Variants in TRPC1 observed in about 807,000 individuals in gnomAD.
The protein encoded by TRPC1 is transient receptor potential cation channel subfamily C member 1, also known as short transient receptor potential channel 1.
A neutral mutation model predicts 88.2 loss-of-function variants in TRPC1; 42 were observed. That is an observed-to-expected ratio of 0.48 (90% CI 0.37 to 0.62). TRPC1 has a LOEUF of 0.62. TRPC1 is among the 20% of genes least tolerant of loss of function. The pLI is 0.00. For synonymous variants in TRPC1, 288 were observed against 331.8 expected, an observed-to-expected ratio of 0.87 and a Z score of 1.43; for missense variants, 699 against 957.3, an observed-to-expected ratio of 0.73 and a Z score of 3.56.
intron 9 of TRPC1, among the ~76,000 whole-genome samples, chr3:142,794,328 A>G (rs1267807456): frequency 6.6e-6 from 1 of 152,126 alleles, no homozygotes; most frequent in Non-Finnish European, 1.5e-5. Flanking sequence ...GACTCCTATA[A>G]AGGGTTAAAA....
chr3:142,768,713 A>G (rs1016721873), intron 4 of TRPC1, among the ~76,000 whole-genome samples: 2 of 151,342 alleles, frequency 1.3e-5, no homozygotes, highest in African/African-American at 2.4e-5. Flanking sequence ...ATACCTTTCT[A>G]TTTCCTCTGT....
In TRPC1 at chr3:142,736,382, A is replaced by G; in HGVS notation, c.176A>G (p.Asp59Gly). 2 of 1,585,108 alleles carry G rather than the reference A, an allele frequency of 1.3e-6. No homozygotes were observed. Among genetic ancestry groups the G allele is most frequent in the Non-Finnish European group, 1.7e-6 (2 of 1,167,964 alleles). Residue 59 changes from aspartate to glycine, a missense_variant, in exon 2 of 13, where the codon GAC (aspartate) becomes GGC (glycine). Transcript: ENST00000476941. ...KLFLLACDKG[D>G]YYMVKKILEE... ...ATGTTTGTATATTGTTATTTAGGTG[A>G]CTATTATATGGTTAAAAAGATTTTG... is the stretch of plus-strand genomic sequence containing the variant.
At chr3:142,770,258 G>A (rs1312085495) in intron 4 of TRPC1, among the ~76,000 whole-genome samples, 3 of 151,766 alleles carry the variant, frequency 2.0e-5, no homozygotes, top group East Asian at 1.9e-4. Flanking sequence ...CACCACGTCT[G>A]GCTAATTTTT....
chr3:142,777,411 A>G (rs1354733637), intron 4 of TRPC1, among the ~76,000 whole-genome samples: 1 of 152,202 alleles, frequency 6.6e-6, no homozygotes. Context: ...GACAGTAAAA[A>G]AATTTTCTAA....
intron 3 of TRPC1, 113 bp downstream of exon 3, chr3:142,743,699 AT>A (rs1357109782): frequency 1.8e-6 from 1 of 567,318 alleles, no homozygotes; most frequent in Non-Finnish European, 2.8e-6. Flanking sequence ...AAAAATAGAT[AT>A]TTTTTCTCAC....
chr3:142,755,707 T>C (rs1421938418), intron 4 of TRPC1, among the ~76,000 whole-genome samples: 2 of 152,216 alleles, frequency 1.3e-5, no homozygotes, highest in Non-Finnish European at 2.9e-5. Flanking sequence ...CATATTCTTA[T>C]ATTGGTGTGG....
At chr3:142,743,232 C>G (rs926388985) in intron 2 of TRPC1, among the ~76,000 whole-genome samples, 1 of 152,114 alleles carries the variant, frequency 6.6e-6, no homozygotes, top group Non-Finnish European at 1.5e-5. Context: ...CTAATAATCC[C>G]TTCAATGAGA....
intron 9 of TRPC1, among the ~76,000 whole-genome samples, chr3:142,801,838 G>A (rs573199597): frequency 3.9e-5 from 6 of 152,174 alleles, no homozygotes; most frequent in African/African-American, 1.2e-4. Flanking sequence ...TTTGAGCAGG[G>A]TATTTTCCTT....
chr3:142,804,770 C>T (rs1396231525), intron 12 of TRPC1, 140 bp downstream of exon 12: 11 of 652,116 alleles, frequency 1.7e-5, no homozygotes, highest in East Asian at 9.1e-5. Context: ...CCCTAATGTA[C>T]GGCATCGCAT....
At chr3:142,747,379 A>C (rs1039810768) in intron 3 of TRPC1, among the ~76,000 whole-genome samples, 1 of 152,240 alleles carries the variant, frequency 6.6e-6, no homozygotes, top group Non-Finnish European at 1.5e-5. Context: ...CGATAGTTAT[A>C]AAATAGTCAA....
At position 142,787,986 on chromosome 3, in the gene TRPC1, A is replaced by C. The variant is rs142508260; in HGVS notation, c.1297+2946A>C. Among the ~76,000 whole-genome samples the C allele has an allele frequency of 1.3e-3, 199 of 152,324 alleles. 2 individuals are homozygous for C. Among genetic ancestry groups the C allele is most frequent in the African/African-American group, 4.5e-3 (188 of 41,570 alleles). On this transcript the variant is annotated intron_variant, in intron 7 of 12. Transcript: ENST00000476941. ...GAATGGTACAAAGAAGGGTCTGAGTAAAGGCTAACATTTCTGGAGCAGGGA... is the reference window on the plus strand; with the variant it reads ...GAATGGTACAAAGAAGGGTCTGAGTCAAGGCTAACATTTCTGGAGCAGGGA...
intron 6 of TRPC1, 36 bp downstream of exon 6, chr3:142,781,065 C>T: frequency 6.5e-7 from 1 of 1,543,556 alleles, no homozygotes; most frequent in Non-Finnish European, 8.7e-7. Context: ...AAATTATTTT[C>T]TCTACAGTAG....
At chr3:142,790,251 C>T (rs1229478201) in intron 7 of TRPC1, among the ~76,000 whole-genome samples, 2 of 151,810 alleles carry the variant, frequency 1.3e-5, no homozygotes, top group South Asian at 2.1e-4. Flanking sequence ...GAGGCCAGCG[C>T]GACTAGAATA....
rs191071416 is a variant in TRPC1 at position 142,752,921 on chromosome 3, G to T, written c.632+4461G>T. ...GTGAGCTCCAAGTTGAGTCAAAGTG[G>T]CTGGGTCAGAGTGGCTGGGGCAAAG... is the stretch of plus-strand genomic sequence containing the variant. On this transcript the variant is annotated intron_variant, in intron 4 of 12. Transcript: ENST00000476941. Among the ~76,000 whole-genome samples the T allele has an allele frequency of 6.6e-5, 10 of 152,188 alleles. No individual in the cohort carries two copies. In the East Asian group the frequency reaches 1.9e-3, roughly 29 times the overall value.
Position 142,736,615 on chromosome 3 carries a change from C to A in TRPC1, c.327+82C>A, listed in dbSNP as rs1577945822. Reference sequence around the variant, plus strand: ...GCTTTCTTCCCTTCTTGTTTTCTTTCTTCTTTTTCCTCCTCTTCTTCCTTT... The same window carrying A: ...GCTTTCTTCCCTTCTTGTTTTCTTTATTCTTTTTCCTCCTCTTCTTCCTTT... On this transcript the variant is annotated intron_variant, in intron 2 of 12. Coordinates refer to ENST00000476941, the MANE Select transcript of TRPC1 (RefSeq NM_001251845.2). 19 of 1,185,374 alleles carry A rather than the reference C, an allele frequency of 1.6e-5. No individual in the cohort carries two copies. In the East Asian group the frequency reaches 5.0e-4, roughly 31 times the overall value. The allele number at this position is 1,185,374 out of a possible 1,614,324, so 73.4% of individuals were successfully genotyped here. A position where few individuals can be genotyped will look rare whatever the true frequency, so the allele number is the denominator to read the frequency against.
At chr3:142,763,379 C>T (rs1440637961) in intron 4 of TRPC1, among the ~76,000 whole-genome samples, 1 of 151,946 alleles carries the variant, frequency 6.6e-6, no homozygotes, top group Non-Finnish European at 1.5e-5. Context: ...GTGTTGGGTT[C>T]ATAGATATTC....
intron 2 of TRPC1, among the ~76,000 whole-genome samples, chr3:142,742,385 G>T (rs1215131931): frequency 1.3e-5 from 2 of 152,094 alleles, no homozygotes; most frequent in African/African-American, 2.4e-5. Flanking sequence ...ATCTGGGTGG[G>T]AAGTTTTTCT....
intron 4 of TRPC1, among the ~76,000 whole-genome samples, chr3:142,753,968 C>T (rs1353492910): frequency 1.3e-5 from 2 of 151,598 alleles, no homozygotes; most frequent in African/African-American, 4.8e-5. Context: ...ACCTGTGGTC[C>T]CAGCTATGCA....
chr3:142,756,322 G>A (rs1934959789), intron 4 of TRPC1, among the ~76,000 whole-genome samples: 1 of 151,236 alleles, frequency 6.6e-6, no homozygotes, highest in Non-Finnish European at 1.5e-5. Flanking sequence ...AAAGTGGTTG[G>A]AAACAGTTTA....
Sources: gnomAD v4.1 joint callset for allele counts (sites outside exome capture counted in the v4.1 genomes callset) on GRCh38, gnomAD v4.1.1 for gene constraint, MANE v1.5 for transcripts, NCBI Gene and HGNC (gene_info 2026-07-23, HGNC 2026-07-21) for gene names.